The following MSI2 variants were observed in gnomAD, a reference collection of about 807,000 sequenced individuals.
The protein encoded by MSI2 is musashi RNA binding protein 2.
MSI2 carries 17 observed loss-of-function variants against 45.6 expected under a neutral mutation model. The observed-to-expected ratio is 0.37, with a 90% confidence interval of 0.26 to 0.56. The LOEUF (loss-of-function observed/expected upper bound fraction) is 0.56. Ranked by LOEUF, MSI2 falls within the 20% of genes least tolerant of loss-of-function variation. The pLI is 0.77. For missense variants in MSI2, 293 were observed against 444.2 expected, an observed-to-expected ratio of 0.66 and a Z score of 3.06; for synonymous variants, 156 against 158.2, an observed-to-expected ratio of 0.99 and a Z score of 0.11.
chr17:57,528,998 G>C (rs1202341383), intron 6 of MSI2, among the ~76,000 whole-genome samples: 1 of 152,038 alleles, frequency 6.6e-6, no homozygotes, highest in Non-Finnish European at 1.5e-5. Context: ...AATATGCATC[G>C]GTCAAGATAG....
At chr17:57,663,165 G>A (rs1912118891) in intron 11 of MSI2, among the ~76,000 whole-genome samples, 2 of 134,562 alleles carry the variant, frequency 1.5e-5, no homozygotes, top group Admixed American at 1.4e-4. Context: ...CTCTGAGCCA[G>A]TGGCGGGGTG....
chr17:57,294,511 C>T (rs1910755766), intron 5 of MSI2, among the ~76,000 whole-genome samples: 2 of 152,136 alleles, frequency 1.3e-5, no homozygotes, highest in African/African-American at 4.8e-5. Flanking sequence ...GAATCAACTC[C>T]AAGGGGCTAG....
At chr17:57,497,220 A>G (rs1598334638) in intron 6 of MSI2, among the ~76,000 whole-genome samples, 1 of 152,240 alleles carries the variant, frequency 6.6e-6, no homozygotes, top group Non-Finnish European at 1.5e-5. Flanking sequence ...CTGGTGATCC[A>G]CCTGCCTTGG....
chr17:57,413,803 G>A (rs1396072683), intron 6 of MSI2, among the ~76,000 whole-genome samples: 1 of 151,982 alleles, frequency 6.6e-6, no homozygotes, highest in Non-Finnish European at 1.5e-5. Flanking sequence ...AAACAAAGAG[G>A]CTTCGATCTT....
At chr17:57,478,830 A>C (rs1434829117) in intron 6 of MSI2, among the ~76,000 whole-genome samples, 1 of 152,220 alleles carries the variant, frequency 6.6e-6, no homozygotes. Context: ...TCTTTTCTCT[A>C]GGAAACAAGC....
intron 5 of MSI2, among the ~76,000 whole-genome samples, chr17:57,366,760 C>A (rs1270714814): frequency 6.6e-6 from 1 of 152,184 alleles, no homozygotes; most frequent in East Asian, 1.9e-4. Flanking sequence ...TTTCTAATTG[C>A]CTTTTATTTA....
At chr17:57,310,765 T>C (rs1656193774) in intron 5 of MSI2, among the ~76,000 whole-genome samples, 1 of 152,206 alleles carries the variant, frequency 6.6e-6, no homozygotes, top group African/African-American at 2.4e-5. Context: ...CACTTGACTC[T>C]TTCTCCCACA....
Position 57,529,402 on chromosome 17 carries a change from C to T in MSI2, c.406-274C>T, listed in dbSNP as rs1567880163. Among the ~76,000 whole-genome samples the T allele has an allele frequency of 1.3e-5, 2 of 152,136 alleles. No individual in the cohort carries two copies. Among genetic ancestry groups the T allele is most frequent in the Admixed American group, 6.5e-5 (1 of 15,280 alleles). Reference sequence around the variant, plus strand: ...AGTGAGCCGTGATGGTGCCACTGCACTCTAGCCTGGGTGACAGAGTGAGAC... The same window carrying T: ...AGTGAGCCGTGATGGTGCCACTGCATTCTAGCCTGGGTGACAGAGTGAGAC... On this transcript the variant is annotated intron_variant, in intron 6 of 13. Transcript: ENST00000284073. This position sits in a 1 kb window ranked among gnomAD's most constrained non-coding sequence, Gnocchi z 5.3.
At chr17:57,464,985 C>T (rs1018052332) in intron 6 of MSI2, among the ~76,000 whole-genome samples, 1 of 152,224 alleles carries the variant, frequency 6.6e-6, no homozygotes, top group African/African-American at 2.4e-5. Context: ...GCTGACAGCA[C>T]TCATCTTATA....
At chr17:57,292,768 G>A (rs1441324906) in intron 5 of MSI2, among the ~76,000 whole-genome samples, 1 of 152,186 alleles carries the variant, frequency 6.6e-6, no homozygotes, top group Admixed American at 6.5e-5. Flanking sequence ...TCTGGGGCCA[G>A]CACGGTTGGA....
intron 11 of MSI2, among the ~76,000 whole-genome samples, chr17:57,673,448 C>G (rs1250184679): frequency 6.6e-6 from 1 of 152,200 alleles, no homozygotes; most frequent in Non-Finnish European, 1.5e-5. Flanking sequence ...GAGCAGCCCT[C>G]TGGAGCCAAA....
chr17:57,699,550 TA>T, the MSI2 span, among the ~76,000 whole-genome samples: 43,447 of 151,838 alleles, frequency 0.29, 8,115 homozygotes, highest in African/African-American at 0.52. Flanking sequence ...AAGGGTATAA[TA>T]TTATACCCTT....
intron 7 of MSI2, among the ~76,000 whole-genome samples, chr17:57,563,764 A>G (rs912331127): frequency 6.6e-6 from 1 of 150,806 alleles, no homozygotes; most frequent in Non-Finnish European, 1.5e-5. Flanking sequence ...ACACACACAC[A>G]CACACACACA....
At chr17:57,401,253 G>A (rs1207568931) in intron 5 of MSI2, 126 bp from the exon 6 acceptor site, 15 of 748,640 alleles carry the variant, frequency 2.0e-5, no homozygotes, top group Non-Finnish European at 3.1e-5. Context: ...CCCGCGCCAT[G>A]CAGCTTGAAT....
chr17:57,396,090 A>T (rs1228440911), intron 5 of MSI2, among the ~76,000 whole-genome samples: 1 of 152,120 alleles, frequency 6.6e-6, no homozygotes, highest in East Asian at 1.9e-4. Context: ...ACATTTTTTC[A>T]TCATGGGGAA....
intron 11 of MSI2, among the ~76,000 whole-genome samples, chr17:57,673,686 C>A (rs1912992342): frequency 6.6e-6 from 1 of 151,888 alleles, no homozygotes; most frequent in Middle Eastern, 3.4e-3. Context: ...CAGGCTGCGG[C>A]CCTCATTAGG....
intron 6 of MSI2, among the ~76,000 whole-genome samples, chr17:57,458,215 C>T (rs1323108517): frequency 6.6e-6 from 1 of 151,764 alleles, no homozygotes; most frequent in African/African-American, 2.4e-5. Flanking sequence ...ATTCTCTTGC[C>T]TCAGCCTCCC....
intron 11 of MSI2, among the ~76,000 whole-genome samples, chr17:57,657,617 A>C (rs1451738712): frequency 6.6e-6 from 1 of 152,210 alleles, no homozygotes; most frequent in Non-Finnish European, 1.5e-5. Context: ...CCAGAAGAGA[A>C]AATGCTTTAG....
chr17:57,401,545 C>G (rs375567025), intron 6 of MSI2, 74 bp downstream of exon 6: 2 of 1,161,734 alleles, frequency 1.7e-6, no homozygotes, highest in East Asian at 2.4e-5. Flanking sequence ...CTACCGTGGC[C>G]CCCGCCCCTG....
Sources: allele counts gnomAD v4.1 joint callset (sites outside exome capture counted in the v4.1 genomes callset), GRCh38; gene constraint gnomAD v4.1.1; non-coding constraint Gnocchi (gnomAD v3.1); transcripts MANE v1.5; gene names NCBI Gene and HGNC (gene_info 2026-07-23, HGNC 2026-07-21).